The following EXOC4 variants were observed in gnomAD, a reference collection of about 807,000 sequenced individuals.
EXOC4 encodes SEC8-like 1.
In EXOC4, 71 loss-of-function variants were observed where a neutral mutation model predicts 107.2. The ratio of observed to expected loss-of-function variants is 0.66; its 90% CI spans 0.55 to 0.81. The LOEUF is 0.81. EXOC4 is among the 30% of genes least tolerant of loss of function. EXOC4 has a pLI of 0.00. For synonymous variants in EXOC4, 456 were observed against 441.2 expected (o/e 1.03, Z -0.42); for missense variants, 1,108 against 1,189.6 (o/e 0.93, Z 1.01).
At chr7:133,585,190 G>T (rs989606648) in intron 9 of EXOC4, among the ~76,000 whole-genome samples, 1 of 152,086 alleles carries the variant, frequency 6.6e-6, no homozygotes, top group Non-Finnish European at 1.5e-5. Flanking sequence ...TTTCCTCTTC[G>T]AAGAGGAAGC....
intron 9 of EXOC4, among the ~76,000 whole-genome samples, chr7:133,558,621 A>AT (rs1041203162): frequency 1.3e-4 from 19 of 151,636 alleles, no homozygotes; most frequent in Non-Finnish European, 2.4e-4. Context: ...ATGTCTTTTT[A>AT]TTTTTTTTAA....
intron 7 of EXOC4, among the ~76,000 whole-genome samples, chr7:133,460,077 A>G (rs1365866252): frequency 6.6e-6 from 1 of 152,210 alleles, no homozygotes; most frequent in South Asian, 2.1e-4. Flanking sequence ...ATCAGGGACC[A>G]GTTTCATGGA....
chr7:133,647,342 AAAT>A (rs1803018210), intron 10 of EXOC4, among the ~76,000 whole-genome samples: 1 of 152,194 alleles, frequency 6.6e-6, no homozygotes, highest in Non-Finnish European at 1.5e-5. Flanking sequence ...CAACTCAAAT[AAAT>A]AATAATAAGA....
chr7:133,990,883 C>G (rs900933628), intron 14 of EXOC4, among the ~76,000 whole-genome samples: 1 of 152,180 alleles, frequency 6.6e-6, no homozygotes, highest in Non-Finnish European at 1.5e-5. Context: ...AGTGCTGCAA[C>G]AAACATGGGA....
chr7:133,535,359 G>A (rs142789772), intron 9 of EXOC4, among the ~76,000 whole-genome samples: 1,624 of 152,264 alleles, frequency 0.011, 14 homozygotes, highest in Middle Eastern at 0.027. Context: ...TGTAACAGCT[G>A]CCTTGTTTAT....
At chr7:133,298,373 T>C (rs1054126926) in intron 3 of EXOC4, among the ~76,000 whole-genome samples, 3 of 152,148 alleles carry the variant, frequency 2.0e-5, no homozygotes, top group African/African-American at 7.2e-5. Flanking sequence ...CTTTGCCAAC[T>C]CTTAAAAAGA....
chr7:133,549,998 A>C (rs1338397192), intron 9 of EXOC4, among the ~76,000 whole-genome samples: 1 of 152,188 alleles, frequency 6.6e-6, no homozygotes. Flanking sequence ...TAAGTTGTAC[A>C]AAACCAGTGG....
chr7:133,797,373 T>A (rs1415179499), intron 10 of EXOC4, among the ~76,000 whole-genome samples: 1 of 152,204 alleles, frequency 6.6e-6, no homozygotes, highest in African/African-American at 2.4e-5. Context: ...ATTAAAGCGA[T>A]TCTGCCCAAG....
chr7:133,997,553 C>T lies in EXOC4; in HGVS notation c.2268C>T (p.Ile756=). 5.6e-6 allele frequency: 9 copies of T among 1,613,750 alleles called. No homozygotes were observed. Among genetic ancestry groups the T allele is most frequent in the Admixed American group, 1.7e-5 (1 of 59,938 alleles). ...ATCTCCCCCCAGTGTCAGAGCAGATCATGCAGACTCTCAGTGAACTTGCCA... is the reference window on the plus strand; with the variant it reads ...ATCTCCCCCCAGTGTCAGAGCAGATTATGCAGACTCTCAGTGAACTTGCCA... ...NTDLPPVSEQ[I]MQTLSELAKS... is the part of the protein sequence containing the mutation. Residue 756 remains isoleucine (I), a synonymous_variant, in exon 15 of 18, where the codon ATC becomes ATT. Transcript: ENST00000253861.
chr7:133,327,410 G>A (rs1035354157), intron 5 of EXOC4, among the ~76,000 whole-genome samples: 1 of 152,052 alleles, frequency 6.6e-6, no homozygotes, highest in Admixed American at 6.5e-5. Context: ...GATTTTTTTT[G>A]AAGGGTTTTT....
At chr7:133,810,724 C>T (rs1797206335) in intron 10 of EXOC4, among the ~76,000 whole-genome samples, 1 of 151,928 alleles carries the variant, frequency 6.6e-6, no homozygotes, top group Non-Finnish European at 1.5e-5. Flanking sequence ...CCTCCGCCTC[C>T]CAGGTTCAAG....
the EXOC4 span, among the ~76,000 whole-genome samples, chr7:134,076,661 A>G: frequency 6.6e-6 from 1 of 150,960 alleles, no homozygotes; most frequent in Non-Finnish European, 1.5e-5. Context: ...AACAAAAAAT[A>G]TATAAATATA....
At chr7:133,868,967 C>T (rs897144706) in intron 11 of EXOC4, among the ~76,000 whole-genome samples, 6 of 152,024 alleles carry the variant, frequency 3.9e-5, no homozygotes, top group Admixed American at 6.6e-5. Flanking sequence ...TTAAAAGACC[C>T]TGCCCTGCCT....
intron 7 of EXOC4, among the ~76,000 whole-genome samples, chr7:133,387,031 A>G (rs1362789796): frequency 6.6e-6 from 1 of 151,998 alleles, no homozygotes; most frequent in Non-Finnish European, 1.5e-5. Flanking sequence ...TAGTTTTGTT[A>G]TCTTTACTAT....
intron 13 of EXOC4, among the ~76,000 whole-genome samples, chr7:133,922,254 A>G (rs1216679825): frequency 1.3e-5 from 2 of 152,204 alleles, no homozygotes; most frequent in African/African-American, 4.8e-5. Context: ...AGATCAAGAA[A>G]CAGAACTTTA....
intron 5 of EXOC4, among the ~76,000 whole-genome samples, chr7:133,321,803 T>C (rs942906379): frequency 6.6e-6 from 1 of 152,198 alleles, no homozygotes; most frequent in Non-Finnish European, 1.5e-5. Context: ...TGCCACACTG[T>C]CTTCCACAAT....
intron 17 of EXOC4, among the ~76,000 whole-genome samples, chr7:134,043,259 G>A (rs1177962498): frequency 6.6e-6 from 1 of 152,090 alleles, no homozygotes; most frequent in Non-Finnish European, 1.5e-5. Context: ...GTCATGTTAT[G>A]TCTGTGCTGT....
the EXOC4 span, among the ~76,000 whole-genome samples, chr7:134,080,835 A>G: frequency 6.6e-6 from 1 of 151,996 alleles, no homozygotes; most frequent in Admixed American, 6.6e-5. Flanking sequence ...AGTCTCAGCT[A>G]CTTGGGAAGC....
At chr7:134,061,581 T>TA (rs1796058572) in intron 17 of EXOC4, among the ~76,000 whole-genome samples, 1 of 152,216 alleles carries the variant, frequency 6.6e-6, no homozygotes, top group African/African-American at 2.4e-5. Flanking sequence ...AAGTTCCTTC[T>TA]AGCTTTGAAA....
Sources: allele counts gnomAD v4.1 joint callset (sites outside exome capture counted in the v4.1 genomes callset), GRCh38; gene constraint gnomAD v4.1.1; transcripts MANE v1.5; gene names NCBI Gene and HGNC (gene_info 2026-07-23, HGNC 2026-07-21).